The following ME1 variants were observed in gnomAD, a reference collection of about 807,000 sequenced individuals.
ME1 encodes NADP-dependent malic enzyme.
In ME1, 74 loss-of-function variants were observed where a neutral mutation model predicts 66.4. The observed-to-expected ratio is 1.11, with a 90% CI of 0.92 to 1.35. ME1 has a LOEUF of 1.35. Ranked by LOEUF, ME1 falls within the 40% of genes most tolerant of loss-of-function variation. The pLI, the probability that ME1 is intolerant of heterozygous loss-of-function variation, is 0.00. For synonymous variants in ME1, 251 were observed against 235.6 expected (o/e 1.07, Z -0.60); for missense variants, 750 against 694.1 (o/e 1.08, Z -0.90).
chr6:83,417,928 A>C (rs954337702), intron 1 of ME1, among the ~76,000 whole-genome samples: 2 of 152,206 alleles, frequency 1.3e-5, no homozygotes, highest in Admixed American at 6.5e-5. Context: ...GTTTATTTAA[A>C]ATCATTGATT....
intron 5 of ME1, among the ~76,000 whole-genome samples, chr6:83,333,915 T>C (rs139623419): frequency 1.1e-3 from 169 of 152,306 alleles, no homozygotes; most frequent in Admixed American, 1.8e-3. Flanking sequence ...TTTCTTTGCT[T>C]AGAAATGTGA....
At chr6:83,420,013 C>G (rs541218338) in intron 1 of ME1, among the ~76,000 whole-genome samples, 1 of 152,024 alleles carries the variant, frequency 6.6e-6, no homozygotes, top group African/African-American at 2.4e-5. Context: ...GAAAAGCAGG[C>G]CTTCTTGTAA....
intron 6 of ME1, among the ~76,000 whole-genome samples, chr6:83,277,024 AAGAC>A (rs1767194867): frequency 2.0e-5 from 3 of 152,368 alleles, no homozygotes; most frequent in South Asian, 4.1e-4. Context: ...ATATTGTCTT[AAGAC>A]AGACAGCCAT....
At chr6:83,260,005 T>C (rs962991864) in intron 6 of ME1, among the ~76,000 whole-genome samples, 2 of 152,140 alleles carry the variant, frequency 1.3e-5, no homozygotes, top group Non-Finnish European at 2.9e-5. Flanking sequence ...GAAACAACTC[T>C]GTTTCCAAAA....
chr6:83,250,160 A>T (rs1790697891), intron 7 of ME1, among the ~76,000 whole-genome samples: 1 of 150,740 alleles, frequency 6.6e-6, no homozygotes, highest in Non-Finnish European at 1.5e-5. Flanking sequence ...AGTTCTCTAC[A>T]ATAGTTCTTT....
At chr6:83,226,794 G>C (rs182588015) in intron 11 of ME1, among the ~76,000 whole-genome samples, 2 of 152,154 alleles carry the variant, frequency 1.3e-5, no homozygotes, top group East Asian at 3.9e-4. Flanking sequence ...GCTCCTTTCA[G>C]CATATCAGCC....
chr6:83,230,077 C>T lies in ME1; in HGVS notation c.1027-1146G>A, dbSNP rs111914607. On this transcript the variant is annotated intron_variant, in intron 9 of 13. Coordinates refer to ENST00000369705, the MANE Select transcript of ME1 (RefSeq NM_002395.6). ...GGCCTCAGGAGTGATCTTTTCGCTT[C>T]AGCCTCCTGAGTCACTAGGATTATA... 9.7e-4 allele frequency among the ~76,000 whole-genome samples: 148 copies of T among 152,008 alleles called. 1 individual carries two copies. The highest frequency in any genetic ancestry group is 3.5e-3 in the African/African-American group (144 of 41,442).
chr6:83,377,583 T>G (rs1015402973), intron 3 of ME1, among the ~76,000 whole-genome samples: 8 of 152,070 alleles, frequency 5.3e-5, no homozygotes, highest in African/African-American at 1.9e-4. Flanking sequence ...GGCAGCATAC[T>G]GGCAATCAAA....
chr6:83,376,877 G>A (rs1183393931), intron 3 of ME1, among the ~76,000 whole-genome samples: 3 of 149,904 alleles, frequency 2.0e-5, no homozygotes, highest in Non-Finnish European at 4.4e-5. Context: ...AATTTTTCTG[G>A]CAGAAAGTAA....
chr6:83,321,669 A>C (rs1469214038), intron 5 of ME1, among the ~76,000 whole-genome samples: 1 of 152,108 alleles, frequency 6.6e-6, no homozygotes, highest in Non-Finnish European at 1.5e-5. Flanking sequence ...TTATAGATAA[A>C]ACTCCTATCT....
chr6:83,267,881 T>C (rs532331577), intron 6 of ME1, among the ~76,000 whole-genome samples: 8 of 152,310 alleles, frequency 5.3e-5, no homozygotes, highest in Non-Finnish European at 1.0e-4. Context: ...TATATGATAT[T>C]TGATAGTCAT....
At chr6:83,310,040 T>C (rs1413800283) in intron 6 of ME1, among the ~76,000 whole-genome samples, 1 of 152,208 alleles carries the variant, frequency 6.6e-6, no homozygotes, top group Non-Finnish European at 1.5e-5. Flanking sequence ...GGAAATGGAT[T>C]TGTGCTACTC....
intron 6 of ME1, among the ~76,000 whole-genome samples, chr6:83,300,745 C>G (rs1767699781): frequency 6.6e-6 from 1 of 150,868 alleles, no homozygotes; most frequent in Non-Finnish European, 1.5e-5. Context: ...GACACAAGCA[C>G]ACGTATGTTT....
At chr6:83,217,590 G>A (rs748497826) in intron 12 of ME1, among the ~76,000 whole-genome samples, 8 of 152,136 alleles carry the variant, frequency 5.3e-5, no homozygotes, top group Admixed American at 2.6e-4. Flanking sequence ...AAGAGAAGAC[G>A]GCTTAGGCTA....
chr6:83,275,647 A>G (rs1767165143), intron 6 of ME1, among the ~76,000 whole-genome samples: 1 of 146,974 alleles, frequency 6.8e-6, no homozygotes, highest in South Asian at 2.2e-4. Flanking sequence ...TTGTATTTTT[A>G]GTAGAGACGG....
chr6:83,237,276 A>AAAGAAAGAAAGAAAGAAAGGAAGGAAGG (rs754296141), intron 9 of ME1, among the ~76,000 whole-genome samples: 1 of 73,640 alleles, frequency 1.4e-5, no homozygotes, highest in Non-Finnish European at 2.8e-5. Flanking sequence ...AGAAAGAAAG[A>AAAGAAAGAAAGAAAGAAAGGAAGGAAGG]AAGGAAGGAA....
At chr6:83,256,615 T>C (rs1766777407) in intron 6 of ME1, among the ~76,000 whole-genome samples, 1 of 152,102 alleles carries the variant, frequency 6.6e-6, no homozygotes, top group Non-Finnish European at 1.5e-5. Flanking sequence ...AGTTCAACCA[T>C]GGTGGAAAAC....
At chr6:83,418,883 C>G (rs1274174741) in intron 1 of ME1, among the ~76,000 whole-genome samples, 1 of 151,144 alleles carries the variant, frequency 6.6e-6, no homozygotes, top group Admixed American at 6.5e-5. Flanking sequence ...GGAGTAATGT[C>G]AAAATGCAAT....
intron 11 of ME1, 134 bp from the exon 12 acceptor site, chr6:83,224,067 A>G (rs1790142476): frequency 6.4e-6 from 5 of 777,504 alleles, no homozygotes; most frequent in Non-Finnish European, 1.0e-5. Flanking sequence ...TAACTTGCTA[A>G]TAAGTCTGGA....
Sources: allele counts gnomAD v4.1 joint callset (sites outside exome capture counted in the v4.1 genomes callset), GRCh38; gene constraint gnomAD v4.1.1; transcripts MANE v1.5; gene names NCBI Gene and HGNC (gene_info 2026-07-23, HGNC 2026-07-21).